NLRP4: variants seen among roughly 807,000 people sequenced by gnomAD.
NLRP4 encodes the protein NACHT, LRR and PYD domains-containing protein 4.
A neutral mutation model predicts 84.7 loss-of-function variants in NLRP4; 44 were observed. The ratio of observed to expected loss-of-function variants is 0.52; its 90% CI spans 0.41 to 0.67. NLRP4 has a LOEUF of 0.67. Ranked by LOEUF, NLRP4 falls within the 30% of genes least tolerant of loss-of-function variation. NLRP4 has a pLI of 0.00. For synonymous variants in NLRP4, 544 were observed against 476.4 expected (o/e 1.14, Z -1.85); for missense variants, 1,260 against 1,219.4 (o/e 1.03, Z -0.50).
rs967849267 is a variant in NLRP4, at chr19:55,862,078, C to T, written c.2105C>T (p.Thr702Ile). 2.9e-5 allele frequency: 46 copies of T among 1,611,982 alleles called. No individual in the cohort carries two copies. Among genetic ancestry groups the T allele is most frequent in the Non-Finnish European group, 3.8e-5 (45 of 1,178,092 alleles). Reference sequence around the variant, plus strand: ...CCAGACTTGAAATACCTGAGCTTCACCCTCACGAAACTCTCTCGTGATGAC... The same window carrying T: ...CCAGACTTGAAATACCTGAGCTTCATCCTCACGAAACTCTCTCGTGATGAC... ...YQPDLKYLSF[T>I]LTKLSRDDIR... Residue 702 changes from threonine to isoleucine, a missense_variant, in exon 5 of 10, where the codon ACC becomes ATC. Transcript: ENST00000301295.
At chr19:55,874,797 T>C (rs1364641639) in intron 7 of NLRP4, among the ~76,000 whole-genome samples, 1 of 152,134 alleles carries the variant, frequency 6.6e-6, no homozygotes, top group Non-Finnish European at 1.5e-5. Context: ...TTGGTTGTAA[T>C]ATAATCCTTA....
At chr19:55,853,771 C>G (rs1984269866) in intron 2 of NLRP4, among the ~76,000 whole-genome samples, 2 of 151,172 alleles carry the variant, frequency 1.3e-5, no homozygotes, top group African/African-American at 2.5e-5. Flanking sequence ...TTCTCTCTCT[C>G]TCTCTCTTTC....
intron 1 of NLRP4, among the ~76,000 whole-genome samples, chr19:55,849,768 CTGTAGCTG>C (rs1568657718): frequency 5.2e-3 from 788 of 152,260 alleles, no homozygotes; most frequent in African/African-American, 0.018. Context: ...AATGTAATTT[CTGTAGCTG>C]CGGTGTAATT....
rs148044322 is a variant in NLRP4, at chr19:55,875,856, C to T, written c.2526-1140C>T. ...CCAGCTTGACCAACATAGTGAAACC[C>T]CGTCTCTACTGAAAAAAAAAAAAAT... On this transcript the variant is annotated intron_variant, in intron 7 of 9. Transcript: ENST00000301295. Among the ~76,000 whole-genome samples, 322 of 147,938 alleles carry T rather than the reference C, an allele frequency of 2.2e-3. 1 individual carries two copies. The highest frequency in any genetic ancestry group is 8.0e-3 in the African/African-American group (316 of 39,350).
At chr19:55,847,590 G>A (rs1226918675) in intron 1 of NLRP4, among the ~76,000 whole-genome samples, 1 of 152,074 alleles carries the variant, frequency 6.6e-6, no homozygotes, top group Non-Finnish European at 1.5e-5. Context: ...CATAAATCCT[G>A]TGCCACATTT....
Position 55,870,879 on chromosome 19 carries a change from C to T in NLRP4, c.2407C>T (p.Leu803Phe), listed in dbSNP as rs267605699. 6.2e-7 allele frequency: 1 copy of T among 1,614,126 alleles called. No individual in the cohort carries two copies. The highest frequency in any genetic ancestry group is 8.5e-7 in the Non-Finnish European group (1 of 1,179,956). Residue 803 changes from leucine (L) to phenylalanine (F), a missense_variant, in exon 7 of 10, where the codon CTT becomes TTT. Physicochemically the swap from Leu to Phe is conservative, Grantham distance 22 (BLOSUM62 0). This residue lies in a region of NLRP4 where 544 missense variants were observed against 531.7 expected (regional missense o/e 1.02). Transcript: ENST00000301295. ...GTGCTGCGAATACATCTCTGAAATG[C>T]TTCTGCGTAACAAGAGCGTGCGCTA... ...EQCCEYISEMLLRNKSVRYLD... is the reference protein window; with the variant it reads ...EQCCEYISEMFLRNKSVRYLD...
intron 6 of NLRP4, among the ~76,000 whole-genome samples, chr19:55,869,474 C>T (rs551059785): frequency 5.3e-5 from 8 of 152,192 alleles, no homozygotes; most frequent in South Asian, 2.1e-4. Context: ...GTGAGGCCTC[C>T]GTGGAAATGC....
chr19:55,839,723 C>T (rs1326749780), intron 1 of NLRP4, among the ~76,000 whole-genome samples: 1 of 152,086 alleles, frequency 6.6e-6, no homozygotes, highest in Non-Finnish European at 1.5e-5. Flanking sequence ...AAAGAATCTA[C>T]TTTTGACAGA....
At chr19:55,864,324 G>A (rs1244103220) in intron 5 of NLRP4, among the ~76,000 whole-genome samples, 1 of 152,148 alleles carries the variant, frequency 6.6e-6, no homozygotes, top group Admixed American at 6.5e-5. Flanking sequence ...AATCACATGT[G>A]GTCTTTTGCG....
At chr19:55,855,963 A>T (rs1180208578) in intron 2 of NLRP4, among the ~76,000 whole-genome samples, 2 of 152,206 alleles carry the variant, frequency 1.3e-5, no homozygotes, top group African/African-American at 2.4e-5. Flanking sequence ...GAAGCTCACC[A>T]GTGTAGCAGC....
chr19:55,865,837 G>A (rs11668272), intron 5 of NLRP4, among the ~76,000 whole-genome samples: 31,609 of 151,946 alleles, frequency 0.21, 3,483 homozygotes, highest in East Asian at 0.37. Flanking sequence ...TATACGAGAC[G>A]TACTTTGTGA....
intron 2 of NLRP4, among the ~76,000 whole-genome samples, chr19:55,855,999 C>A (rs952736872): frequency 1.3e-5 from 2 of 152,202 alleles, no homozygotes; most frequent in African/African-American, 4.8e-5. Flanking sequence ...ACCACAGCAA[C>A]TGGTTTTAGT....
chr19:55,858,122 C>A lies in NLRP4; in HGVS notation c.729C>A (p.Pro243=). The A allele has an allele frequency of 1.2e-6, 2 of 1,614,150 alleles. No homozygotes were observed. Among genetic ancestry groups the A allele is most frequent in the South Asian group, 2.2e-5 (2 of 91,064 alleles). ...AGCTGCAGGGCGGCTTGAACGAACC[C>A]GATTCGGATCTGTGTGGTGACTTGA... The part of the protein sequence containing the change: ...FEELQGGLNE[P]DSDLCGDLME... The change falls in exon 3 of 10, where the codon CCC becomes CCA. Residue 243 remains proline, a synonymous_variant. Transcript: ENST00000301295. This position sits in a 1 kb window ranked among gnomAD's most constrained non-coding sequence, Gnocchi z 4.2.
chr19:55,843,937 T>C (rs1983703706), intron 1 of NLRP4, among the ~76,000 whole-genome samples: 1 of 152,070 alleles, frequency 6.6e-6, no homozygotes, highest in Admixed American at 6.5e-5. Flanking sequence ...TTTATCTCTC[T>C]CTTCTTGGAT....
intron 2 of NLRP4, among the ~76,000 whole-genome samples, chr19:55,853,911 C>G (rs1446349113): frequency 8.1e-6 from 1 of 122,868 alleles, no homozygotes; most frequent in Non-Finnish European, 1.6e-5. Context: ...CTCTCTTTCT[C>G]TTTCTTTCTC....
rs140962628 is a variant in NLRP4, at chr19:55,858,161, G to T, written c.768G>T (p.Pro256=). The T allele has an allele frequency of 1.9e-6, 3 of 1,614,102 alleles. No individual in the cohort carries two copies. The East Asian group carries it at 6.7e-5, about 36-fold the overall frequency. ...GTGGTGACTTGATGGAGAAACGGCCGGTGCAGGTGCTTCTGAGCAGTTTGC... is the reference window on the plus strand; with the variant it reads ...GTGGTGACTTGATGGAGAAACGGCCTGTGCAGGTGCTTCTGAGCAGTTTGC... ...DLCGDLMEKR[P]VQVLLSSLLR... The change falls in exon 3 of 10, where the codon CCG becomes CCT. Residue 256 remains proline, a synonymous_variant. Coordinates refer to ENST00000301295, the MANE Select transcript of NLRP4 (RefSeq NM_134444.5). This position sits in a 1 kb window ranked among gnomAD's most constrained non-coding sequence, Gnocchi z 4.2.
Position 55,858,782 on chromosome 19 carries a change from C to G in NLRP4, c.1389C>G (p.Phe463Leu). 2 of 1,614,190 alleles carry G rather than the reference C, an allele frequency of 1.2e-6. No individual in the cohort carries two copies. The highest frequency in any genetic ancestry group is 1.7e-6 in the Non-Finnish European group (2 of 1,180,034). ...VCIQEFCAALFYLLKSHLDHP... is the reference protein window; with the variant it reads ...VCIQEFCAALLYLLKSHLDHP... ...TCCAGGAGTTCTGTGCCGCCTTGTTCTATTTGCTCAAGAGCCACCTTGATC... is the reference window on the plus strand; with the variant it reads ...TCCAGGAGTTCTGTGCCGCCTTGTTGTATTTGCTCAAGAGCCACCTTGATC... The change falls in exon 3 of 10, where the codon TTC becomes TTG. Residue 463 changes from phenylalanine (F) to leucine (L), a missense_variant. This residue lies in a region of NLRP4 where 712 missense variants were observed against 669.2 expected (regional missense o/e 1.06). Coordinates refer to ENST00000301295, the MANE Select transcript of NLRP4 (RefSeq NM_134444.5). This position sits in a 1 kb window ranked among gnomAD's most constrained non-coding sequence, Gnocchi z 4.2.
At position 55,853,797 on chromosome 19, in the gene NLRP4, C is replaced by CTCTCTCTCTT. The variant is rs1359813831; in HGVS notation, c.280+1443_280+1452dup. 9.8e-4 allele frequency among the ~76,000 whole-genome samples: 148 copies of CTCTCTCTCTT among 151,776 alleles called. 2 individuals carry two copies. Among genetic ancestry groups the CTCTCTCTCTT allele is most frequent in the African/African-American group, 3.5e-3 (143 of 41,420 alleles). Reference sequence around the variant, plus strand: ...TCTCTCTTTCTGTCTCTCTTTCTCTCTCTCTCTCTTTCTCTTTCTTTCTTG... The same window carrying CTCTCTCTCTT: ...TCTCTCTTTCTGTCTCTCTTTCTCTCTCTCTCTCTTTCTCTCTCTTTCTCTTTCTTTCTTG... On this transcript the variant is annotated intron_variant, in intron 2 of 9. Transcript: ENST00000301295.
At chr19:55,876,785 T>G (rs1289615165) in intron 7 of NLRP4, among the ~76,000 whole-genome samples, 1 of 152,194 alleles carries the variant, frequency 6.6e-6, no homozygotes, top group African/African-American at 2.4e-5. Flanking sequence ...CTATTGGTTT[T>G]TTCGTTTGTA....
Sources: allele counts gnomAD v4.1 joint callset (sites outside exome capture counted in the v4.1 genomes callset), GRCh38; gene constraint gnomAD v4.1.1; regional missense constraint gnomAD v4.1.1; non-coding constraint Gnocchi (gnomAD v3.1); transcripts MANE v1.5; gene names NCBI Gene and HGNC (gene_info 2026-07-23, HGNC 2026-07-21).